The following HIF3A variants were observed in gnomAD, a reference collection of about 807,000 sequenced individuals.
HIF3A encodes the protein hypoxia inducible factor 3 subunit alpha.
HIF3A carries 41 observed loss-of-function variants against 67.2 expected under a neutral mutation model. That is an observed-to-expected ratio of 0.61 (90% CI 0.48 to 0.79). HIF3A has a LOEUF of 0.79. Among genes scored for constraint, HIF3A ranks in the 30% least tolerant of loss-of-function variants. The pLI is 0.00. For synonymous variants in HIF3A, 356 were observed against 374.8 expected, an observed-to-expected ratio of 0.95 and a Z score of 0.58; for missense variants, 855 against 898.0, an observed-to-expected ratio of 0.95 and a Z score of 0.61.
At position 46,309,216 on chromosome 19, in the gene HIF3A, C is replaced by T; in HGVS notation, c.627C>T (p.Ser209=). ...KPPAQTSPAG[S]PDSEPPLQCL... ...CTGCGCAGACTTCTCCAGCTGGGAG[C>T]CCTGACTCAGAGCCCCCGCTGCAGT... is the stretch of plus-strand genomic sequence containing the variant. Residue 209 remains serine (S), a synonymous_variant, in exon 6 of 15, where the codon AGC becomes AGT. Transcript: ENST00000377670. The T allele has an allele frequency of 3.1e-6, 5 of 1,614,120 alleles. No homozygotes were observed. The highest frequency in any genetic ancestry group is 4.2e-6 in the Non-Finnish European group (5 of 1,179,990).
intron 8 of HIF3A, 90 bp downstream of exon 8, chr19:46,312,743 GAGCATGCA>G: frequency 5.3e-6 from 8 of 1,497,852 alleles, no homozygotes; most frequent in East Asian, 2.3e-5. Flanking sequence ...GTGTGCGTAT[GAGCATGCA>G]TGTGTATCAT....
intron 10 of HIF3A, among the ~76,000 whole-genome samples, chr19:46,323,251 A>T (rs1432106773): frequency 6.6e-6 from 1 of 151,722 alleles, no homozygotes; most frequent in African/African-American, 2.4e-5. Flanking sequence ...GGGTTTCACC[A>T]TGTTTGTCAG....
rs908312286 is a variant in HIF3A, at chr19:46,318,548, C to CAAAA, written c.1026-1876_1026-1873dup. Among the ~76,000 whole-genome samples, 357 of 54,048 alleles carry CAAAA rather than the reference C, an allele frequency of 6.6e-3. 15 individuals carry two copies. The highest frequency in any genetic ancestry group is 0.023 in the African/African-American group (318 of 13,704). 35.5% of individuals were successfully genotyped at this position (54,048 alleles called of 152,430 possible). On this transcript the variant is annotated intron_variant, in intron 8 of 14. Coordinates refer to ENST00000377670, the MANE Select transcript of HIF3A (RefSeq NM_152795.4). ...TGAGCGAGAGAGTGAGATCCTGTCT[C>CAAAA]AAAAAAAAAAAAAAAAAAAAAAGTA...
intron 8 of HIF3A, 85 bp downstream of exon 8, chr19:46,312,738 C>CGT (rs1172816856): frequency 1.5e-5 from 7 of 462,910 alleles, no homozygotes; most frequent in African/African-American, 1.3e-4. Context: ...TGTGTGTGTG[C>CGT]GTATGAGCAT....
intron 1 of HIF3A, among the ~76,000 whole-genome samples, chr19:46,302,497 C>T (rs1388041965): frequency 3.9e-5 from 6 of 152,210 alleles, no homozygotes; most frequent in Non-Finnish European, 8.8e-5. Flanking sequence ...GGGGCACAAT[C>T]ATGGCTCACT....
intron 14 of HIF3A, chr19:46,338,277 C>G: frequency 2.2e-6 from 1 of 454,208 alleles, no homozygotes; most frequent in Non-Finnish European, 4.4e-6. Flanking sequence ...ACACAGCTCA[C>G]CGCAGCCTCG....
At chr19:46,312,107 CCTCT>C (rs372276423) in intron 6 of HIF3A, 50 bp from the exon 7 acceptor site, 25 of 1,303,284 alleles carry the variant, frequency 1.9e-5, no homozygotes, top group African/African-American at 1.7e-4. Flanking sequence ...CTCTGCCTAC[CCTCT>C]CTCTCACCCA....
chr19:46,317,068 G>T (rs1332368632), intron 8 of HIF3A, among the ~76,000 whole-genome samples: 1 of 152,088 alleles, frequency 6.6e-6, no homozygotes, highest in African/African-American at 2.4e-5. Flanking sequence ...CTATAGGTGC[G>T]CACTACCATG....
intron 10 of HIF3A, among the ~76,000 whole-genome samples, chr19:46,325,284 A>C (rs1970697211): frequency 6.6e-6 from 1 of 152,064 alleles, no homozygotes; most frequent in Non-Finnish European, 1.5e-5. Flanking sequence ...GGTGTGAGCC[A>C]CTGAGCCCAG....
In HIF3A at chr19:46,325,414, C is replaced by T; in HGVS notation, c.1336-121C>T. 5.7e-6 allele frequency: 4 copies of T among 701,118 alleles called. No homozygotes were observed. In the East Asian group the frequency reaches 1.0e-4, roughly 18 times the overall value. 43.4% of individuals were successfully genotyped at this position (701,118 alleles called of 1,614,324 possible). A position where few individuals can be genotyped will look rare whatever the true frequency, so the allele number is the denominator to read the frequency against. On this transcript the variant is annotated intron_variant, in intron 10 of 14. Coordinates refer to ENST00000377670, the MANE Select transcript of HIF3A (RefSeq NM_152795.4). ...CTCATCTGCATTTGCCGTTGGACCC[C>T]CTTTGTGCCCCAGATGCCTGGCATT...
chr19:46,299,757 TCA>T (rs1271972182), intron 1 of HIF3A, among the ~76,000 whole-genome samples: 7 of 143,890 alleles, frequency 4.9e-5, no homozygotes, highest in African/African-American at 7.7e-5. Context: ...AAACTGGGTA[TCA>T]CACTCCCTTT....
chr19:46,305,136 G>A (rs758399585), intron 2 of HIF3A, 109 bp from the exon 3 acceptor site: 6 of 1,512,276 alleles, frequency 4.0e-6, no homozygotes, highest in East Asian at 2.3e-5. Context: ...GGGGGTGCAT[G>A]TAAGTTTCTC....
chr19:46,331,720 T>C (rs1025701303), intron 13 of HIF3A, among the ~76,000 whole-genome samples: 1 of 151,500 alleles, frequency 6.6e-6, no homozygotes, highest in Non-Finnish European at 1.5e-5. Flanking sequence ...CCGGGCATGG[T>C]GGCGCATGCC....
chr19:46,305,395 G>C lies in HIF3A; in HGVS notation c.363+5G>C. ...AAACACCTGGGCCTCAGTCAGGTGA[G>C]AGGAGCTCCTTGCTCTGTGCCTGGC... On this transcript the variant is annotated splice_donor_5th_base_variant and intron_variant, in intron 3 of 14. Coordinates refer to ENST00000377670, the MANE Select transcript of HIF3A (RefSeq NM_152795.4). The C allele has an allele frequency of 6.2e-7, 1 of 1,613,598 alleles. No homozygotes were observed. Among genetic ancestry groups the C allele is most frequent in the Non-Finnish European group, 8.5e-7 (1 of 1,179,868 alleles).
Position 46,333,492 on chromosome 19 carries a change from A to G in HIF3A, c.1831-1413A>G, listed in dbSNP as rs78580831. Among the ~76,000 whole-genome samples, 468 of 152,142 alleles carry G rather than the reference A, an allele frequency of 3.1e-3. 3 individuals carry two copies. The highest frequency in any genetic ancestry group is 5.6e-3 in the Non-Finnish European group (384 of 68,000). On this transcript the variant is annotated intron_variant, in intron 13 of 14. Transcript: ENST00000377670. ...ACTCACAGAGAAGAATAAATACCCT[A>G]CCTGCTGGTGTCTCCCATGAGCTAA...
At position 46,308,730 on chromosome 19, in the gene HIF3A, C is replaced by T. The variant is rs762244118; in HGVS notation, c.516C>T (p.Leu172=). The change falls in exon 5 of 15, where the codon CTC becomes CTT. Residue 172 remains leucine (L), a synonymous_variant. Coordinates refer to ENST00000377670, the MANE Select transcript of HIF3A (RefSeq NM_152795.4). ...RCFSLRMKST[L]TSRGRTLNLK... ...TCTCCTTGCGCATGAAGAGTACACTCACCAGCCGCGGGCGCACCCTCAACC... is the reference window on the plus strand; with the variant it reads ...TCTCCTTGCGCATGAAGAGTACACTTACCAGCCGCGGGCGCACCCTCAACC... The T allele has an allele frequency of 8.1e-6, 13 of 1,610,352 alleles. No individual in the cohort carries two copies. Among genetic ancestry groups the T allele is most frequent in the Middle Eastern group, 1.7e-4 (1 of 5,920 alleles).
chr19:46,310,525 C>T (rs1315462661), intron 6 of HIF3A: 3 of 448,794 alleles, frequency 6.7e-6, no homozygotes, highest in Non-Finnish European at 1.3e-5. Flanking sequence ...TATCCCTCGC[C>T]CTGGTGTCAT....
chr19:46,298,415 C>A (rs531671617), intron 1 of HIF3A: 2 of 1,288,606 alleles, frequency 1.6e-6, no homozygotes, highest in Non-Finnish European at 2.0e-6. Context: ...ATCTCACCGC[C>A]GTGCGCACCC....
At chr19:46,310,443 C>G (rs1969328873) in intron 6 of HIF3A, 1 of 294,704 alleles carries the variant, frequency 3.4e-6, no homozygotes, top group African/African-American at 2.2e-5. Context: ...ATTTGTTCAC[C>G]CTCTATCCTT....
Sources: gnomAD v4.1 joint callset for allele counts (sites outside exome capture counted in the v4.1 genomes callset) on GRCh38, gnomAD v4.1.1 for gene constraint, MANE v1.5 for transcripts, NCBI Gene and HGNC (gene_info 2026-07-23, HGNC 2026-07-21) for gene names.